Variants in ECPAS observed in about 807,000 individuals in gnomAD.
The protein encoded by ECPAS is Ecm29 proteasome adaptor and scaffold.
ECPAS carries 70 observed loss-of-function variants against 255.1 expected under a neutral mutation model. The ratio of observed to expected loss-of-function variants is 0.27; its 90% CI spans 0.23 to 0.33. The LOEUF is 0.33. Ranked by LOEUF, ECPAS falls within the 10% of genes least tolerant of loss-of-function variation. The pLI is 1.00. For missense variants in ECPAS, 1,817 were observed against 2,206.4 expected (o/e 0.82, Z 3.54); for synonymous variants, 784 against 775.0 (o/e 1.01, Z -0.19).
intron 1 of ECPAS, chr9:111,483,594 G>T (rs982898766): frequency 4.3e-4 from 209 of 481,596 alleles, no homozygotes; most frequent in Middle Eastern, 9.9e-4. Context: ...GGGCGCGGCC[G>T]GGGGGCTCGC....
In ECPAS at chr9:111,366,295, G is replaced by C. The variant is rs756359501; in HGVS notation, c.5252C>G (p.Pro1751Arg). The change falls in exon 48 of 50, where the codon CCT (proline) becomes CGT (arginine). Residue 1751 changes from proline to arginine, a missense_variant. By Grantham distance (103) the Pro-to-Arg change is moderately radical (BLOSUM62 -2). This residue lies in a region of ECPAS where 960 missense variants were observed against 1,179.0 expected (regional missense o/e 0.81). Transcript: ENST00000684092. ...LMLLEEEHADPEALAEILLET... is the reference protein window; with the variant it reads ...LMLLEEEHADREALAEILLET... ...AAGCAGAATTTCAGCCAAAGCCTCA[G>C]GATCGGCATGTTCTTCTTCCAAAAG... The C allele has an allele frequency of 3.2e-6, 5 of 1,578,454 alleles. No individual in the cohort carries two copies. In the South Asian group the frequency reaches 5.8e-5, roughly 18 times the overall value.
intron 43 of ECPAS, 57 bp downstream of exon 43, chr9:111,371,564 T>A (rs2098127345): frequency 6.9e-7 from 1 of 1,449,374 alleles, no homozygotes; most frequent in Admixed American, 1.7e-5. Context: ...GTTACTATTA[T>A]GCAAAATGAA....
Position 111,414,544 on chromosome 9 carries a change from T to C in ECPAS, c.1872A>G (p.Ile624Met), listed in dbSNP as rs755398131. The change falls in exon 19 of 50, where the codon ATA becomes ATG. Residue 624 changes from isoleucine to methionine, a missense_variant. Coordinates refer to ENST00000684092, the MANE Select transcript of ECPAS (RefSeq NM_001364929.1). ...QDHAPAIGRY[I>M]RTLMSSGQMA... Reference sequence around the variant, plus strand: ...TCTGCCCGCTTGACATTAAAGTCCGTATGTAGCGCCCAATGGCTGGGGCAT... The same window carrying C: ...TCTGCCCGCTTGACATTAAAGTCCGCATGTAGCGCCCAATGGCTGGGGCAT... The C allele has an allele frequency of 6.8e-6, 11 of 1,613,872 alleles. No individual in the cohort carries two copies. The highest frequency in any genetic ancestry group is 6.6e-5 in the South Asian group (6 of 91,084).
chr9:111,416,275 T>C lies in ECPAS; in HGVS notation c.1761A>G (p.Gly587=), dbSNP rs781012387. 2.5e-6 allele frequency: 4 copies of C among 1,611,516 alleles called. No individual in the cohort carries two copies. Among genetic ancestry groups the C allele is most frequent in the Non-Finnish European group, 3.4e-6 (4 of 1,177,676 alleles). The stretch of plus-strand genomic sequence containing the variant: ...TAGAAATATATGAAAGTTCTACCTC[T>C]CCAAAGGCTGCTGGGTTAAATGGAA... ...TVLPFNPAAF[G]EIVLYLRMCL... is the part of the protein sequence containing the mutation. The change falls in exon 18 of 50, where the codon GGA becomes GGG. Residue 587 remains glycine, a synonymous_variant. Transcript: ENST00000684092.
chr9:111,413,980 G>T lies in ECPAS; in HGVS notation c.1994C>A (p.Pro665Gln). 1 of 1,570,464 alleles carries T rather than the reference G, an allele frequency of 6.4e-7. No homozygotes were observed. The highest frequency in any genetic ancestry group is 1.2e-5 in the South Asian group (1 of 84,120). The change falls in exon 20 of 50, where the codon CCG (proline) becomes CAG (glutamine). Residue 665 changes from proline (P) to glutamine (Q), a missense_variant. Around this residue, in one of 4 missense-constraint regions of ECPAS, gnomAD observed 573 missense variants for 716.2 expected, o/e 0.80. Coordinates refer to ENST00000684092, the MANE Select transcript of ECPAS (RefSeq NM_001364929.1). ...AGCTTCCAATAGACAGTACATAACC[G>T]GCAAACCTAAATAAGAATTCAGAAT... ...QQLLAGVGGL[P>Q]VMYCLLEAVS...
chr9:111,457,873 A>G (rs1419532516), intron 2 of ECPAS, among the ~76,000 whole-genome samples: 1 of 152,228 alleles, frequency 6.6e-6, no homozygotes, highest in Non-Finnish European at 1.5e-5. Flanking sequence ...CTAATCACTG[A>G]AAAAATACAA....
intron 25 of ECPAS, among the ~76,000 whole-genome samples, chr9:111,396,800 C>T (rs2098168290): frequency 1.3e-5 from 2 of 152,288 alleles, no homozygotes; most frequent in African/African-American, 4.8e-5. Context: ...GATTCGCTCA[C>T]CTCGGCCTCC....
chr9:111,382,342 G>A (rs961773289), intron 35 of ECPAS, among the ~76,000 whole-genome samples: 10 of 141,194 alleles, frequency 7.1e-5, no homozygotes, highest in South Asian at 2.2e-4. Flanking sequence ...TGGGCTCACC[G>A]CAACCTCCGC....
At chr9:111,409,553 A>G (rs1306035966) in intron 23 of ECPAS, among the ~76,000 whole-genome samples, 1 of 151,690 alleles carries the variant, frequency 6.6e-6, no homozygotes, top group Non-Finnish European at 1.5e-5. Flanking sequence ...AGCAAGAGCA[A>G]AACTCCATCT....
chr9:111,434,581 T>G (rs1325045761), intron 7 of ECPAS, among the ~76,000 whole-genome samples: 1 of 144,546 alleles, frequency 6.9e-6, no homozygotes, highest in Non-Finnish European at 1.5e-5. Context: ...AGGATTCCAG[T>G]TAACTTTTTT....
chr9:111,407,428 A>G (rs7872795), intron 24 of ECPAS, among the ~76,000 whole-genome samples: 2,492 of 98,554 alleles, frequency 0.025, 105 homozygotes, highest in Non-Finnish European at 0.045. Flanking sequence ...AAAAAAAAAA[A>G]AAAAAAAAAA....
intron 35 of ECPAS, among the ~76,000 whole-genome samples, chr9:111,380,472 C>T (rs1375970011): frequency 1.3e-5 from 2 of 152,120 alleles, no homozygotes; most frequent in Non-Finnish European, 2.9e-5. Context: ...TTCTAGAGCA[C>T]AGAGCAGATT....
At chr9:111,478,787 TC>T (rs2098299864) in intron 1 of ECPAS, among the ~76,000 whole-genome samples, 1 of 152,236 alleles carries the variant, frequency 6.6e-6, no homozygotes, top group African/African-American at 2.4e-5. Flanking sequence ...ATTATCCATA[TC>T]ATACAGTCAT....
chr9:111,452,036 A>C (rs1421090340), intron 2 of ECPAS, among the ~76,000 whole-genome samples: 1 of 152,190 alleles, frequency 6.6e-6, no homozygotes, highest in Non-Finnish European at 1.5e-5. Context: ...AGTTTCCCCA[A>C]GAAAGCCACT....
At chr9:111,379,476 A>G (rs2131550871) in intron 35 of ECPAS, among the ~76,000 whole-genome samples, 1 of 152,342 alleles carries the variant, frequency 6.6e-6, no homozygotes, top group East Asian at 1.9e-4. Context: ...GTCCTACCTC[A>G]ATGGTGATGC....
intron 19 of ECPAS, 140 bp downstream of exon 19, chr9:111,414,289 G>T: frequency 1.4e-6 from 1 of 726,838 alleles, no homozygotes; most frequent in Non-Finnish European, 2.2e-6. Context: ...GAATGAATCA[G>T]GTAAGTTTAA....
rs57091815 is a variant in ECPAS, at chr9:111,470,746, CCACACACACACACA to C, written c.22+2137_22+2150del. Among the ~76,000 whole-genome samples the C allele has an allele frequency of 1.3e-3, 163 of 124,582 alleles. 3 individuals carry two copies. In the East Asian group the frequency reaches 0.023, roughly 18 times the overall value. The allele number at this position is 124,582 out of a possible 152,430, so 81.7% of individuals were successfully genotyped here. A position where few individuals can be genotyped will look rare whatever the true frequency, so the allele number is the denominator to read the frequency against. ...AACCCCATCATGTCCTCTCCTCCCG[CCACACACACACACA>C]CACACACACACACACACACACACAC... On this transcript the variant is annotated intron_variant, in intron 2 of 49. Transcript: ENST00000684092.
chr9:111,410,427 C>A (rs1406237077), intron 22 of ECPAS, among the ~76,000 whole-genome samples: 3 of 151,738 alleles, frequency 2.0e-5, no homozygotes, highest in Non-Finnish European at 4.4e-5. Context: ...AATTTGTTCC[C>A]ATAATAGGAT....
At chr9:111,385,770 A>G (rs1006303672) in intron 32 of ECPAS, among the ~76,000 whole-genome samples, 1 of 152,210 alleles carries the variant, frequency 6.6e-6, no homozygotes, top group African/African-American at 2.4e-5. Flanking sequence ...CAGAAATGCT[A>G]TACTATAAAG....
Sources: gnomAD v4.1 joint callset for allele counts (sites outside exome capture counted in the v4.1 genomes callset) on GRCh38, gnomAD v4.1.1 for gene constraint, gnomAD v4.1.1 regional missense constraint, MANE v1.5 for transcripts, NCBI Gene and HGNC (gene_info 2026-07-23, HGNC 2026-07-21) for gene names.